MYRIP: variants seen among roughly 807,000 people sequenced by gnomAD.
MYRIP encodes the protein myosin VIIA and Rab interacting protein, also known as rab effector MyRIP.
MYRIP carries 49 observed loss-of-function variants against 98.0 expected under a neutral mutation model. The ratio of observed to expected loss-of-function variants is 0.50; its 90% CI spans 0.40 to 0.63. The LOEUF is 0.63. Ranked by LOEUF, MYRIP falls within the 30% of genes least tolerant of loss-of-function variation. The pLI is 0.00. For missense variants in MYRIP, 1,004 were observed against 1,058.2 expected (o/e 0.95, Z 0.71); for synonymous variants, 404 against 409.5 (o/e 0.99, Z 0.16).
chr3:39,925,057 A>G lies in MYRIP; in HGVS notation c.110+24131A>G, dbSNP rs184793079. Among the ~76,000 whole-genome samples, 211 of 151,822 alleles carry G rather than the reference A, an allele frequency of 1.4e-3. 3 individuals are homozygous for G. Among genetic ancestry groups the G allele is most frequent in the South Asian group, 6.2e-4 (3 of 4,808 alleles). Reference sequence around the variant, plus strand: ...GTTCCCATCATAAGAACTCAGAAAAAGAGCAAAATAAACCCAAAGCAAGCA... The same window carrying G: ...GTTCCCATCATAAGAACTCAGAAAAGGAGCAAAATAAACCCAAAGCAAGCA... On this transcript the variant is annotated intron_variant, in intron 2 of 16. Transcript: ENST00000302541.
At chr3:40,220,499 C>T (rs534760388) in intron 11 of MYRIP, among the ~76,000 whole-genome samples, 1 of 152,112 alleles carries the variant, frequency 6.6e-6, no homozygotes, top group Non-Finnish European at 1.5e-5. Flanking sequence ...ATCCATATGA[C>T]TGCATAAATA....
At chr3:40,086,650 C>G (rs1484738816) in intron 3 of MYRIP, among the ~76,000 whole-genome samples, 1 of 152,244 alleles carries the variant, frequency 6.6e-6, no homozygotes, top group African/African-American at 2.4e-5. Flanking sequence ...TATCAGCAGG[C>G]ATTCCAGGCT....
At chr3:40,172,211 TAAC>T (rs1950633638) in intron 8 of MYRIP, among the ~76,000 whole-genome samples, 1 of 151,920 alleles carries the variant, frequency 6.6e-6, no homozygotes, top group Non-Finnish European at 1.5e-5. Flanking sequence ...AACAAGTAAA[TAAC>T]AACAACAAAA....
chr3:39,909,598 T>C (rs2125679106), intron 2 of MYRIP, among the ~76,000 whole-genome samples: 1 of 152,290 alleles, frequency 6.6e-6, no homozygotes, highest in East Asian at 1.9e-4. Context: ...AGGAAAAGAC[T>C]TCCTGAAGGA....
chr3:39,945,154 A>G (rs887910629), intron 2 of MYRIP, among the ~76,000 whole-genome samples: 15 of 151,666 alleles, frequency 9.9e-5, no homozygotes, highest in African/African-American at 3.6e-4. Context: ...AGCGGGTTTT[A>G]TGTTTTATTT....
At chr3:39,828,228 T>A (rs545874020) in intron 1 of MYRIP, among the ~76,000 whole-genome samples, 3 of 152,094 alleles carry the variant, frequency 2.0e-5, no homozygotes, top group Non-Finnish European at 4.4e-5. Flanking sequence ...ATGTGACTAT[T>A]TATTTGCTTA....
intron 3 of MYRIP, among the ~76,000 whole-genome samples, chr3:40,130,632 G>A (rs1291830239): frequency 1.3e-5 from 2 of 151,574 alleles, no homozygotes; most frequent in Admixed American, 6.6e-5. Flanking sequence ...CGCCCGCCTC[G>A]GCCTCCCAAA....
intron 11 of MYRIP, among the ~76,000 whole-genome samples, chr3:40,232,700 T>C (rs1201081147): frequency 6.6e-6 from 1 of 152,264 alleles, no homozygotes; most frequent in Non-Finnish European, 1.5e-5. Context: ...TGATGCTATA[T>C]GTTCAGATGA....
chr3:40,197,659 CTT>C (rs986040061), intron 10 of MYRIP, among the ~76,000 whole-genome samples: 23 of 152,296 alleles, frequency 1.5e-4, no homozygotes, highest in African/African-American at 4.3e-4. Flanking sequence ...GTGCTGAACT[CTT>C]ATAGCTTTTT....
chr3:40,154,186 C>CA (rs1451276459), intron 4 of MYRIP, among the ~76,000 whole-genome samples: 1 of 152,042 alleles, frequency 6.6e-6, no homozygotes, highest in African/African-American at 2.4e-5. Context: ...CACACAGTCT[C>CA]ACGTATCACC....
chr3:40,125,064 T>C (rs1389221290), intron 3 of MYRIP, among the ~76,000 whole-genome samples: 1 of 152,126 alleles, frequency 6.6e-6, no homozygotes, highest in Non-Finnish European at 1.5e-5. Flanking sequence ...AAGGATTGAA[T>C]AGGTTGATTG....
At chr3:40,223,392 A>G (rs1231258478) in intron 11 of MYRIP, among the ~76,000 whole-genome samples, 1 of 152,248 alleles carries the variant, frequency 6.6e-6, no homozygotes, top group Non-Finnish European at 1.5e-5. Flanking sequence ...ATGTAACAGA[A>G]TAGTCCAGAA....
At chr3:40,218,621 TATATATATATA>T (rs1559460450) in intron 11 of MYRIP, among the ~76,000 whole-genome samples, 6,595 of 81,466 alleles carry the variant, frequency 0.081, 380 homozygotes, top group Middle Eastern at 0.1. Context: ...TTTATATATA[TATATATATATA>T]TATATATATA....
At chr3:40,241,936 T>A (rs1953028024) in intron 12 of MYRIP, among the ~76,000 whole-genome samples, 1 of 152,216 alleles carries the variant, frequency 6.6e-6, no homozygotes, top group Non-Finnish European at 1.5e-5. Context: ...CAATATCATA[T>A]CCATCTATAA....
intron 3 of MYRIP, among the ~76,000 whole-genome samples, chr3:40,073,622 T>TCTG (rs1948276280): frequency 6.6e-6 from 1 of 152,264 alleles, no homozygotes; most frequent in African/African-American, 2.4e-5. Context: ...ATTTATTGCC[T>TCTG]CTGCGTATCT....
At chr3:39,828,884 G>A (rs1941350549) in intron 1 of MYRIP, among the ~76,000 whole-genome samples, 1 of 152,116 alleles carries the variant, frequency 6.6e-6, no homozygotes, top group East Asian at 1.9e-4. Flanking sequence ...TGATTGATGG[G>A]CATTTGGGTT....
chr3:40,099,309 A>G (rs1948895244), intron 3 of MYRIP, among the ~76,000 whole-genome samples: 1 of 152,238 alleles, frequency 6.6e-6, no homozygotes, highest in Non-Finnish European at 1.5e-5. Context: ...AGTACTTTGC[A>G]GATGAGAGGG....
At chr3:40,232,856 G>C (rs1006821001) in intron 11 of MYRIP, 5 of 152,322 alleles carry the variant, frequency 3.3e-5, no homozygotes, top group African/African-American at 1.2e-4. Flanking sequence ...TTCAGCCACA[G>C]ATAACAGAAA....
intron 3 of MYRIP, among the ~76,000 whole-genome samples, chr3:40,089,482 C>A (rs1948698888): frequency 6.6e-6 from 1 of 152,136 alleles, no homozygotes. Context: ...GCTTTCCATG[C>A]AGGTTCTTCC....
Sources: gnomAD v4.1 joint callset for allele counts (sites outside exome capture counted in the v4.1 genomes callset) on GRCh38, gnomAD v4.1.1 for gene constraint, MANE v1.5 for transcripts, NCBI Gene and HGNC (gene_info 2026-07-23, HGNC 2026-07-21) for gene names.